The following ADCY5 variants were observed in gnomAD, a reference collection of about 807,000 sequenced individuals.
The protein encoded by ADCY5 is adenylate cyclase 5.
ADCY5 carries 30 observed loss-of-function variants against 119.7 expected under a neutral mutation model. That is an observed-to-expected ratio of 0.25 (90% CI 0.19 to 0.34). ADCY5 has a LOEUF of 0.34. Ranked by LOEUF, ADCY5 falls within the 10% of genes least tolerant of loss-of-function variation. ADCY5 has a pLI of 1.00. For synonymous variants in ADCY5, 753 were observed against 762.2 expected (o/e 0.99, Z 0.20); for missense variants, 1,324 against 1,775.2 (o/e 0.75, Z 4.57).
chr3:123,296,000 GC>G (rs1166884137), intron 17 of ADCY5, 83 bp downstream of exon 17: 2 of 1,564,930 alleles, frequency 1.3e-6, no homozygotes, highest in Non-Finnish European at 1.7e-6. Flanking sequence ...GCCCGGCTTG[GC>G]CTGGCCCAGC....
intron 12 of ADCY5, among the ~76,000 whole-genome samples, chr3:123,312,555 C>T (rs1940643755): frequency 6.6e-6 from 1 of 152,228 alleles, no homozygotes; most frequent in Non-Finnish European, 1.5e-5. Context: ...TACACCTGTT[C>T]TCCCTCCTGC....
intron 1 of ADCY5, among the ~76,000 whole-genome samples, chr3:123,439,076 C>CTTTCTTTTTTTTTTTTTTTT (rs1945675678): frequency 1.5e-5 from 1 of 64,728 alleles, no homozygotes; most frequent in Admixed American, 2.8e-4. Context: ...CCCTAAAGTG[C>CTTTCTTTTTTTTTTTTTTTT]TTTTTTTTTT....
At chr3:123,345,617 G>A (rs1227391064) in intron 3 of ADCY5, among the ~76,000 whole-genome samples, 2 of 152,146 alleles carry the variant, frequency 1.3e-5, no homozygotes, top group African/African-American at 4.8e-5. Flanking sequence ...GAGCCTATGG[G>A]ATCTGTTCTA....
intron 1 of ADCY5, among the ~76,000 whole-genome samples, chr3:123,403,613 C>A (rs769406630): frequency 6.6e-6 from 1 of 152,182 alleles, no homozygotes; most frequent in African/African-American, 2.4e-5. Flanking sequence ...GGGTCCATCC[C>A]TCTAGGAATG....
At chr3:123,322,832 A>T (rs948489390) in intron 8 of ADCY5, among the ~76,000 whole-genome samples, 1 of 152,238 alleles carries the variant, frequency 6.6e-6, no homozygotes, top group African/African-American at 2.4e-5. Context: ...CTGGAAAAAG[A>T]TTTAAAAGGC....
At chr3:123,328,512 C>T in intron 6 of ADCY5, 132 bp downstream of exon 6, 1 of 1,085,362 alleles carries the variant, frequency 9.2e-7, no homozygotes, top group Admixed American at 2.1e-5. Flanking sequence ...CACCCCAGCG[C>T]CCCCACAGGT....
intron 1 of ADCY5, among the ~76,000 whole-genome samples, chr3:123,414,282 C>T (rs1945132994): frequency 6.6e-6 from 1 of 152,246 alleles, no homozygotes; most frequent in Admixed American, 6.5e-5. Context: ...CACACCCACG[C>T]CCCACCTGCA....
intron 3 of ADCY5, among the ~76,000 whole-genome samples, chr3:123,339,802 C>T (rs1269959281): frequency 6.8e-6 from 1 of 146,038 alleles, no homozygotes; most frequent in African/African-American, 2.5e-5. Flanking sequence ...CACCTACTGA[C>T]ATTCTGTTTA....
At chr3:123,439,182 C>T (rs1945679560) in intron 1 of ADCY5, among the ~76,000 whole-genome samples, 2 of 148,622 alleles carry the variant, frequency 1.3e-5, no homozygotes, top group African/African-American at 5.0e-5. Flanking sequence ...ATTCTCCTGC[C>T]TCAGCCTCCC....
At chr3:123,415,803 A>T (rs2107630848) in intron 1 of ADCY5, among the ~76,000 whole-genome samples, 1 of 152,358 alleles carries the variant, frequency 6.6e-6, no homozygotes, top group Admixed American at 6.5e-5. Context: ...TGGACCCAGG[A>T]TCACAGAGAG....
chr3:123,347,686 C>G lies in ADCY5; in HGVS notation c.1406+96G>C, dbSNP rs1942622894. 5 of 1,478,842 alleles carry G rather than the reference C, an allele frequency of 3.4e-6. No individual in the cohort carries two copies. In the Admixed American group the frequency reaches 9.3e-5, roughly 28 times the overall value. 91.6% of individuals were successfully genotyped at this position (1,478,842 alleles called of 1,614,324 possible). On this transcript the variant is annotated intron_variant, in intron 3 of 20. Transcript: ENST00000462833. ...ACACACTCCAAAGTCACCAAGCCAC[C>G]CTGTCGGGCTGTGCCCACTTGAAAG...
intron 7 of ADCY5, among the ~76,000 whole-genome samples, chr3:123,325,767 G>GT (rs1941457456): frequency 6.6e-6 from 1 of 152,248 alleles, no homozygotes; most frequent in South Asian, 2.1e-4. Flanking sequence ...AGTTCTCCCT[G>GT]TAAGTTCGAC....
chr3:123,297,113 C>T (rs1473227947), intron 16 of ADCY5: 16 of 1,464,582 alleles, frequency 1.1e-5, no homozygotes, highest in South Asian at 4.8e-5. Context: ...GATCTGAAGC[C>T]GGTGATCCCA....
chr3:123,328,660 C>T lies in ADCY5; in HGVS notation c.1789G>A (p.Ala597Thr). The T allele has an allele frequency of 3.7e-6, 6 of 1,614,130 alleles. No homozygotes were observed. The highest frequency in any genetic ancestry group is 5.1e-6 in the Non-Finnish European group (6 of 1,180,030). The change falls in exon 6 of 21, where the codon GCT becomes ACT. Residue 597 changes from alanine to threonine, a missense_variant. By Grantham distance (58) the Ala-to-Thr change is moderately conservative (BLOSUM62 0). Coordinates refer to ENST00000462833, the MANE Select transcript of ADCY5 (RefSeq NM_183357.3). ...NDVTLANHMEAGGKAGRIHIT... is the reference protein window; with the variant it reads ...NDVTLANHMETGGKAGRIHIT... ...GTCACTCACCCTGCCTTGCCGCCAG[C>T]CTCCATGTGGTTGGCTAGCGTGACA...
Position 123,291,209 on chromosome 3 carries a change from G to A in ADCY5, c.3231C>T (p.Ile1077=), listed in dbSNP as rs780459593. 18 of 1,614,094 alleles carry A rather than the reference G, an allele frequency of 1.1e-5. No homozygotes were observed. The highest frequency in any genetic ancestry group is 6.7e-5 in the East Asian group (3 of 44,882). The change falls in exon 18 of 21, where the codon ATC becomes ATT. Residue 1077 remains isoleucine, a synonymous_variant. Transcript: ENST00000462833. ...CECVAVMFAS[I]ANFSEFYVEL... ...CAACGTAGAACTCGGAGAAGTTGGC[G>A]ATGGAGGCGAACATGACCGCCACAC...
At chr3:123,291,008 G>C (rs1939110430) in intron 18 of ADCY5, 105 bp downstream of exon 18, 2 of 1,421,406 alleles carry the variant, frequency 1.4e-6, no homozygotes, top group African/African-American at 2.9e-5. Flanking sequence ...CACTGCTTAT[G>C]TCACGATGGT....
intron 1 of ADCY5, among the ~76,000 whole-genome samples, chr3:123,397,941 G>A (rs1416551690): frequency 6.6e-6 from 1 of 152,194 alleles, no homozygotes; most frequent in African/African-American, 2.4e-5. Context: ...AGAGTAAAGA[G>A]AGGACCAAGA....
intron 1 of ADCY5, among the ~76,000 whole-genome samples, chr3:123,426,308 TTG>T (rs1491253018): frequency 0.32 from 3,286 of 10,246 alleles, 70 homozygotes; most frequent in Middle Eastern, 0.5. Flanking sequence ...TGTTTTTTTT[TTG>T]TTTGTTTTTG....
intron 1 of ADCY5, among the ~76,000 whole-genome samples, chr3:123,389,298 A>C (rs1944331480): frequency 6.6e-6 from 1 of 152,106 alleles, no homozygotes; most frequent in Non-Finnish European, 1.5e-5. Flanking sequence ...GATATGACTA[A>C]AACAGCAAAT....
Sources: allele counts gnomAD v4.1 joint callset (sites outside exome capture counted in the v4.1 genomes callset), GRCh38; gene constraint gnomAD v4.1.1; transcripts MANE v1.5; gene names NCBI Gene and HGNC (gene_info 2026-07-23, HGNC 2026-07-21).